The following XKR7 variants were observed in gnomAD, a reference collection of about 807,000 sequenced individuals.
The protein encoded by XKR7 is XK related 7.
Under a neutral mutation model 42.2 loss-of-function variants are expected in XKR7, and 11 were observed. The ratio of observed to expected loss-of-function variants is 0.26; its 90% CI spans 0.16 to 0.43. The LOEUF is 0.43. Ranked by LOEUF, XKR7 falls within the 20% of genes least tolerant of loss-of-function variation. XKR7 has a pLI of 1.00. For missense variants in XKR7, 710 were observed against 802.2 expected (o/e 0.89, Z 1.39); for synonymous variants, 346 against 366.4 (o/e 0.94, Z 0.64).
At position 31,995,585 on chromosome 20, in the gene XKR7, T is replaced by G. The variant is rs966812225; in HGVS notation, c.787+315T>G. On this transcript the variant is annotated intron_variant, in intron 2 of 2. Transcript: ENST00000562532. The surrounding 1 kb of genome is among the most constrained non-coding windows in gnomAD (Gnocchi z 4.1). ...TTGCCAGAGCCAACCAAACCCCATCTCCCACCCAAACACCTTAGACCCTCT... is the reference window on the plus strand; with the variant it reads ...TTGCCAGAGCCAACCAAACCCCATCGCCCACCCAAACACCTTAGACCCTCT... Among the ~76,000 whole-genome samples, 2 of 151,274 alleles carry G rather than the reference T, an allele frequency of 1.3e-5. No homozygotes were observed. Among genetic ancestry groups the G allele is most frequent in the Non-Finnish European group, 3.0e-5 (2 of 67,788 alleles).
chr20:31,989,242 G>C (rs1410560447), intron 1 of XKR7, among the ~76,000 whole-genome samples: 1 of 150,348 alleles, frequency 6.7e-6, no homozygotes, highest in East Asian at 1.9e-4. Context: ...CAGACGTCCT[G>C]AGCCAGGGAC....
chr20:31,981,045 A>G (rs1367611677), intron 1 of XKR7, among the ~76,000 whole-genome samples: 1 of 149,494 alleles, frequency 6.7e-6, no homozygotes, highest in Non-Finnish European at 1.5e-5. Context: ...AGCCTGGGTA[A>G]CAGAGTGAGA....
intron 1 of XKR7, 123 bp from the exon 2 acceptor site, chr20:31,994,945 C>T (rs1289700796): frequency 6.8e-7 from 1 of 1,466,976 alleles, no homozygotes. Flanking sequence ...CATTTCACAG[C>T]TGAGGAAACA....
At chr20:31,981,647 G>A (rs139277409) in intron 1 of XKR7, among the ~76,000 whole-genome samples, 5,092 of 152,146 alleles carry the variant, frequency 0.033, 161 homozygotes, top group Non-Finnish European at 0.045. Context: ...AGCCGAAATC[G>A]TGCCACTGCA....
chr20:31,992,073 C>T (rs987193071), intron 1 of XKR7, among the ~76,000 whole-genome samples: 11 of 152,216 alleles, frequency 7.2e-5, no homozygotes, highest in South Asian at 2.1e-4. Context: ...GCCGAGATCA[C>T]ACCACTGCAC....
Position 32,001,932 on chromosome 20 carries a change from C to T in XKR7, c.*4475C>T, listed in dbSNP as rs1227280911. 6.6e-6 allele frequency: 1 copy of T among 152,240 alleles called. No individual in the cohort carries two copies. Among genetic ancestry groups the T allele is most frequent in the African/African-American group, 2.4e-5 (1 of 41,430 alleles). The allele number at this position is 152,240 out of a possible 1,614,324, so 9.4% of individuals were successfully genotyped here. On this transcript the variant is annotated 3_prime_UTR_variant, in exon 3 of 3. Coordinates refer to ENST00000562532, the MANE Select transcript of XKR7 (RefSeq NM_001011718.2). ...AAGGGAACAAGTGGGTGTCAAGCCG[C>T]ATGGGCAGTAGTAGGGTTGGGGTTT...
chr20:31,975,894 G>A (rs192151833), intron 1 of XKR7, among the ~76,000 whole-genome samples: 133 of 152,194 alleles, frequency 8.7e-4, no homozygotes, highest in African/African-American at 2.9e-3. Flanking sequence ...ACTTAGATTC[G>A]ATCATTTCTC....
rs893465557 is a variant in XKR7 at position 32,001,978 on chromosome 20, G to A, written c.*4521G>A. ...GGTTTGAGCCCCCTTCCCAACCATA[G>A]AGGCTTCTGAGACCTGGGGCTGGGG... On this transcript the variant is annotated 3_prime_UTR_variant, in exon 3 of 3. Coordinates refer to ENST00000562532, the MANE Select transcript of XKR7 (RefSeq NM_001011718.2). 2 of 152,294 alleles carry A rather than the reference G, an allele frequency of 1.3e-5. No homozygotes were observed. The highest frequency in any genetic ancestry group is 6.5e-5 in the Admixed American group (1 of 15,284). 9.4% of individuals were successfully genotyped at this position (152,294 alleles called of 1,614,324 possible). A position where few individuals can be genotyped will look rare whatever the true frequency, so the allele number is the denominator to read the frequency against.
At chr20:31,971,186 G>A (rs2064463795) in intron 1 of XKR7, among the ~76,000 whole-genome samples, 1 of 138,414 alleles carries the variant, frequency 7.2e-6, no homozygotes, top group Non-Finnish European at 1.6e-5. Context: ...GGTGAGGACG[G>A]GAACAGTGTG....
Position 31,996,949 on chromosome 20 carries a change from A to G in XKR7, c.1232A>G (p.Asp411Gly), listed in dbSNP as rs2122284091. 6.2e-7 allele frequency: 1 copy of G among 1,613,930 alleles called. No homozygotes were observed. The highest frequency in any genetic ancestry group is 2.2e-5 in the East Asian group (1 of 44,856). Residue 411 changes from aspartate to glycine, a missense_variant, in exon 3 of 3, where the codon GAC (aspartate) becomes GGC (glycine). By Grantham distance (94) the Asp-to-Gly change is moderately conservative. Around this residue, in one of 2 missense-constraint regions of XKR7, gnomAD observed 708 missense variants for 786.2 expected, o/e 0.90. Coordinates refer to ENST00000562532, the MANE Select transcript of XKR7 (RefSeq NM_001011718.2). ...FWYSSRNFST[D>G]FYSLIMVCVV... is the part of the protein sequence containing the mutation. ...TACTCCAGCCGCAACTTCTCAACCG[A>G]CTTCTACTCGCTCATCATGGTCTGC... is the stretch of plus-strand genomic sequence containing the variant.
intron 1 of XKR7, chr20:31,970,107 A>C (rs2064457718): frequency 6.6e-6 from 1 of 152,254 alleles, no homozygotes; most frequent in Admixed American, 6.5e-5. Flanking sequence ...AGCTCTATCC[A>C]CACAAGGTGG....
chr20:31,995,045 T>G lies in XKR7; in HGVS notation c.585-23T>G. On this transcript the variant is annotated intron_variant, in intron 1 of 2. Transcript: ENST00000562532. The surrounding 1 kb of genome is among the most constrained non-coding windows in gnomAD (Gnocchi z 4.1). ...CGAGAGGAACCAGCGCGCGGGAGCC[T>G]GAGCACCGCGTCCTTCCCGCAGGTA... 1 of 1,540,666 alleles carries G rather than the reference T, an allele frequency of 6.5e-7. No individual in the cohort carries two copies. Among genetic ancestry groups the G allele is most frequent in the Non-Finnish European group, 8.7e-7 (1 of 1,145,382 alleles).
At chr20:31,984,588 C>G (rs1033587398) in intron 1 of XKR7, among the ~76,000 whole-genome samples, 1 of 152,214 alleles carries the variant, frequency 6.6e-6, no homozygotes, top group South Asian at 2.1e-4. Context: ...CATCGAGGAG[C>G]TGGGCTTTCC....
intron 1 of XKR7, among the ~76,000 whole-genome samples, chr20:31,980,122 T>C (rs1481008587): frequency 7.0e-6 from 1 of 142,400 alleles, no homozygotes; most frequent in African/African-American, 2.8e-5. Context: ...AATGTTTGGC[T>C]TTAGCCCAGA....
intron 1 of XKR7, among the ~76,000 whole-genome samples, chr20:31,980,996 T>C (rs1435192951): frequency 6.7e-6 from 1 of 149,490 alleles, no homozygotes; most frequent in Non-Finnish European, 1.5e-5. Flanking sequence ...GCCCAGGAGG[T>C]CGAGGCCGCA....
chr20:31,975,320 C>T (rs940786315), intron 1 of XKR7, among the ~76,000 whole-genome samples: 2 of 152,006 alleles, frequency 1.3e-5, no homozygotes, highest in East Asian at 3.9e-4. Flanking sequence ...GGCTTTGAGG[C>T]CCTTTGCCCC....
intron 1 of XKR7, among the ~76,000 whole-genome samples, chr20:31,990,555 T>C (rs2064565750): frequency 6.6e-6 from 1 of 152,138 alleles, no homozygotes; most frequent in Admixed American, 6.5e-5. Flanking sequence ...CCAGGGAAAT[T>C]AGGTTGCATG....
Position 31,968,289 on chromosome 20 carries a change from GC to G in XKR7, c.119del (p.Pro40ArgfsTer68). 8.3e-7 allele frequency: 1 copy of G among 1,207,908 alleles called. No individual in the cohort carries two copies. Among genetic ancestry groups the G allele is most frequent in the Non-Finnish European group, 1.0e-6 (1 of 973,250 alleles). 74.8% of individuals were successfully genotyped at this position (1,207,908 alleles called of 1,614,324 possible). A position where few individuals can be genotyped will look rare whatever the true frequency, so the allele number is the denominator to read the frequency against. On this transcript the variant is annotated frameshift_variant, in exon 1 of 3. Transcript: ENST00000562532. LOFTEE classifies it high-confidence loss of function. This position sits in a 1 kb window ranked among gnomAD's most constrained non-coding sequence, Gnocchi z 4.5. Reference protein sequence around the residue: ...GRGEAAAAAGPPGVVGAGGPG... With the variant: ...GRGEAAAAAGXPGVVGAGGPG... Reference sequence around the variant, plus strand: ...GCGGGGAGGCGGCGGCGGCGGCCGGGCCCCCGGGGGTCGTCGGGGCGGGCGG... The same window carrying G: ...GCGGGGAGGCGGCGGCGGCGGCCGGGCCCCGGGGGTCGTCGGGGCGGGCGG...
Position 31,994,947 on chromosome 20 carries a change from G to T in XKR7, c.585-121G>T. ...CTTTCGAAATGCCCATTTCACAGCT[G>T]AGGAAACAGGCTCAGCGTAGGGAGT... On this transcript the variant is annotated intron_variant, in intron 1 of 2. Coordinates refer to ENST00000562532, the MANE Select transcript of XKR7 (RefSeq NM_001011718.2). The T allele has an allele frequency of 2.7e-6, 4 of 1,472,334 alleles. No individual in the cohort carries two copies. In the Middle Eastern group the frequency reaches 9.6e-4, roughly 354 times the overall value. 91.2% of individuals were successfully genotyped at this position (1,472,334 alleles called of 1,614,324 possible).
Sources: allele counts gnomAD v4.1 joint callset (sites outside exome capture counted in the v4.1 genomes callset), GRCh38; gene constraint gnomAD v4.1.1; regional missense constraint gnomAD v4.1.1; non-coding constraint Gnocchi (gnomAD v3.1); transcripts MANE v1.5; gene names NCBI Gene and HGNC (gene_info 2026-07-23, HGNC 2026-07-21).